The following XPO1 variants were observed in gnomAD, a reference collection of about 807,000 sequenced individuals.
The protein encoded by XPO1 is exportin-1.
XPO1 carries 5 observed loss-of-function variants against 133.3 expected under a neutral mutation model. That is an observed-to-expected ratio of 0.04 (90% CI 0.02 to 0.08). The LOEUF (loss-of-function observed/expected upper bound fraction) is 0.08, where lower values mean the gene tolerates loss of function less well. XPO1 is among the 10% of genes least tolerant of loss of function. The pLI, the probability that XPO1 is intolerant of heterozygous loss-of-function variation, is 1.00. For synonymous variants in XPO1, 419 were observed against 408.2 expected, an observed-to-expected ratio of 1.03 and a Z score of -0.32; for missense variants, 506 against 1,267.5, an observed-to-expected ratio of 0.40 and a Z score of 9.12.
chr2:61,499,511 T>C (rs907448753), intron 7 of XPO1, among the ~76,000 whole-genome samples: 4 of 152,242 alleles, frequency 2.6e-5, no homozygotes, highest in African/African-American at 9.6e-5. Context: ...GAAGTGTGTC[T>C]TGAACAATTC....
At chr2:61,516,581 A>C (rs959860131) in intron 4 of XPO1, among the ~76,000 whole-genome samples, 12 of 151,274 alleles carry the variant, frequency 7.9e-5, no homozygotes, top group African/African-American at 2.9e-4. Flanking sequence ...CGCCTGGCTA[A>C]TTTTGTATTT....
chr2:61,515,937 C>CACACACACACACACA (rs1553412670), intron 4 of XPO1, among the ~76,000 whole-genome samples: 1 of 110,760 alleles, frequency 9.0e-6, no homozygotes, highest in Non-Finnish European at 1.8e-5. Flanking sequence ...AAAAAAAAAA[C>CACACACACACACACA]CACACACACA....
intron 12 of XPO1, 189 bp from the exon 13 acceptor site, chr2:61,493,242 A>C: frequency 2.1e-6 from 1 of 470,058 alleles, no homozygotes. Context: ...GGAATTTGAG[A>C]GCAGCTTGAG....
intron 1 of XPO1, among the ~76,000 whole-genome samples, chr2:61,535,889 TA>T (rs1187944355): frequency 6.6e-6 from 1 of 152,222 alleles, no homozygotes; most frequent in Non-Finnish European, 1.5e-5. Context: ...CCATAAAATT[TA>T]AAAGATCAGA....
intron 6 of XPO1, among the ~76,000 whole-genome samples, chr2:61,501,410 C>T (rs1327602240): frequency 1.3e-5 from 2 of 152,012 alleles, no homozygotes; most frequent in African/African-American, 4.8e-5. Context: ...GAAATATGCA[C>T]AGGCATATCA....
intron 4 of XPO1, among the ~76,000 whole-genome samples, chr2:61,520,664 A>C (rs1037236044): frequency 3.3e-5 from 5 of 152,294 alleles, no homozygotes; most frequent in Non-Finnish European, 7.4e-5. Context: ...GAAAGAAAGA[A>C]ACAAAAATTT....
At chr2:61,487,044 G>A (rs1455054836) in intron 19 of XPO1, among the ~76,000 whole-genome samples, 4 of 150,562 alleles carry the variant, frequency 2.7e-5, no homozygotes, top group East Asian at 2.0e-4. Context: ...GTGCAATGGC[G>A]CAATCTTGGC....
intron 19 of XPO1, among the ~76,000 whole-genome samples, chr2:61,486,463 CTT>C (rs57272112): frequency 0.6 from 91,463 of 151,498 alleles, 27,667 homozygotes; most frequent in Middle Eastern, 0.68. Context: ...TCAATACTGT[CTT>C]TTTATTTTTG....
At chr2:61,522,950 C>T (rs1027674049) in intron 3 of XPO1, among the ~76,000 whole-genome samples, 2 of 152,082 alleles carry the variant, frequency 1.3e-5, no homozygotes, top group Admixed American at 6.6e-5. Context: ...AATAAAAAGC[C>T]CTTTAGCAGC....
chr2:61,505,224 C>G (rs1386011340), intron 4 of XPO1, among the ~76,000 whole-genome samples: 1 of 152,048 alleles, frequency 6.6e-6, no homozygotes, highest in Admixed American at 6.6e-5. Context: ...AACTCCAAAC[C>G]TCAAGCAATC....
chr2:61,535,770 A>G (rs1190734237), intron 1 of XPO1, among the ~76,000 whole-genome samples: 1 of 152,228 alleles, frequency 6.6e-6, no homozygotes, highest in Non-Finnish European at 1.5e-5. Flanking sequence ...AAACGTTTTT[A>G]AACAGCAGAA....
At position 61,488,289 on chromosome 2, in the gene XPO1, A is replaced by T; in HGVS notation, c.2207-18T>A. The T allele has an allele frequency of 6.2e-7, 1 of 1,604,044 alleles. No homozygotes were observed. The highest frequency in any genetic ancestry group is 8.5e-7 in the Non-Finnish European group (1 of 1,171,182). ...CATTTCACCTACAAAACAGAATCAAATGGAATCTAATTTTACCACTAAACT... is the reference window on the plus strand; with the variant it reads ...CATTTCACCTACAAAACAGAATCAATTGGAATCTAATTTTACCACTAAACT... On this transcript the variant is annotated intron_variant, in intron 18 of 24. Coordinates refer to ENST00000401558, the MANE Select transcript of XPO1 (RefSeq NM_003400.4).
chr2:61,479,963 C>CA (rs1220690102), intron 24 of XPO1, among the ~76,000 whole-genome samples: 1 of 152,148 alleles, frequency 6.6e-6, no homozygotes, highest in Admixed American at 6.5e-5. Context: ...CTCCTGGGTT[C>CA]AAGTGATTCT....
chr2:61,516,563 C>T (rs956108777), intron 4 of XPO1, among the ~76,000 whole-genome samples: 66 of 151,202 alleles, frequency 4.4e-4, no homozygotes, highest in Middle Eastern at 6.9e-3. Flanking sequence ...TACAGGCATG[C>T]GCCACCACGC....
At chr2:61,536,873 CATCGGAATGAAGGAGA>C (rs1256072903) in intron 1 of XPO1, 1 of 152,808 alleles carries the variant, frequency 6.5e-6, no homozygotes, top group African/African-American at 2.4e-5. Context: ...AACTCACAGA[CATCGGAATGAAGGAGA>C]ATCAGGGCAT....
rs1270086790 is a variant in XPO1 at position 61,538,228 on chromosome 2, G to A, written c.-673C>T. 5.7e-6 allele frequency: 1 copy of A among 175,994 alleles called. No homozygotes were observed. Among genetic ancestry groups the A allele is most frequent in the Non-Finnish European group, 1.2e-5 (1 of 82,982 alleles). The allele number at this position is 175,994 out of a possible 1,614,324, so 10.9% of individuals were successfully genotyped here. A position where few individuals can be genotyped will look rare whatever the true frequency, so the allele number is the denominator to read the frequency against. On this transcript the variant is annotated 5_prime_UTR_variant, in exon 1 of 25. Coordinates refer to ENST00000401558, the MANE Select transcript of XPO1 (RefSeq NM_003400.4). The stretch of plus-strand genomic sequence containing the variant: ...CTGTAGCTCCCGCTGCTCCTGCCGC[G>A]GCCGCTGCAGCCGCTTCTCCCCCTC...
intron 4 of XPO1, among the ~76,000 whole-genome samples, chr2:61,515,918 C>CT (rs1197470567): frequency 2.3e-5 from 2 of 85,752 alleles, no homozygotes; most frequent in African/African-American, 1.1e-4. Context: ...CCCATCTCTA[C>CT]TAAAAAAAAA....
intron 4 of XPO1, among the ~76,000 whole-genome samples, chr2:61,508,008 T>TAC (rs1697911914): frequency 1.3e-5 from 2 of 152,112 alleles, no homozygotes; most frequent in South Asian, 4.1e-4. Flanking sequence ...TTAGCACTGG[T>TAC]ACAATCTAGT....
chr2:61,502,782 A>G (rs1053361436), intron 4 of XPO1, among the ~76,000 whole-genome samples: 18 of 151,868 alleles, frequency 1.2e-4, no homozygotes, highest in Non-Finnish European at 1.6e-4. Flanking sequence ...TGTGCTATTC[A>G]TATTTTTAAA....
Sources: gnomAD v4.1 joint callset for allele counts (sites outside exome capture counted in the v4.1 genomes callset) on GRCh38, gnomAD v4.1.1 for gene constraint, MANE v1.5 for transcripts, NCBI Gene and HGNC (gene_info 2026-07-23, HGNC 2026-07-21) for gene names.